Variants in ZNF613 observed in about 807,000 individuals in gnomAD.
ZNF613 encodes the protein zinc finger protein 613.
In ZNF613, 8 loss-of-function variants were observed where a neutral mutation model predicts 14.3. The ratio of observed to expected loss-of-function variants is 0.56; its 90% confidence interval spans 0.33 to 1.01. The LOEUF (loss-of-function observed/expected upper bound fraction) is 1.01. Among genes scored for constraint, ZNF613 ranks in the 50% least tolerant of loss-of-function variants. The pLI is 0.03. For synonymous variants in ZNF613, 228 were observed against 254.5 expected (o/e 0.90, Z 0.99); for missense variants, 656 against 741.9 (o/e 0.88, Z 1.35).
chr19:51,936,849 G>A lies in ZNF613; in HGVS notation c.15+614G>A, dbSNP rs115240457. On this transcript the variant is annotated intron_variant, in intron 3 of 5. Transcript: ENST00000293471. ...GGTAGCTTCAGTATGGAGGCTGGTT[G>A]CCAGAAATAACAAGCCTTGATTAGA... 5.3e-3 allele frequency among the ~76,000 whole-genome samples: 808 copies of A among 152,248 alleles called. 9 individuals are homozygous for A. Among genetic ancestry groups the A allele is most frequent in the African/African-American group, 0.018 (737 of 41,530 alleles).
chr19:51,940,227 G>A lies in ZNF613; in HGVS notation c.34G>A (p.Asp12Asn). 6.2e-7 allele frequency: 1 copy of A among 1,613,678 alleles called. No individual in the cohort carries two copies. Among genetic ancestry groups the A allele is most frequent in the South Asian group, 1.1e-5 (1 of 91,082 alleles). The part of the protein sequence containing the change: ...IKSQESLTLE[D>N]VAVEFTWEEW... ...ATTACAGGAATCACTGACCCTGGAG[G>A]ATGTGGCTGTGGAGTTCACTTGGGA... is the stretch of plus-strand genomic sequence containing the variant. Residue 12 changes from aspartate (D) to asparagine (N), a missense_variant, in exon 4 of 6, where the codon GAT (aspartate) becomes AAT (asparagine). Physicochemically the swap from Asp to Asn is conservative, Grantham distance 23 (BLOSUM62 1). Coordinates refer to ENST00000293471, the MANE Select transcript of ZNF613 (RefSeq NM_001031721.4).
chr19:51,946,025 C>G lies in ZNF613; in HGVS notation c.*288C>G, dbSNP rs193097215. 3.3e-4 allele frequency: 129 copies of G among 387,638 alleles called. 2 individuals carry two copies. The East Asian group carries it at 4.8e-3, about 15-fold the overall frequency. 24.0% of individuals were successfully genotyped at this position (387,638 alleles called of 1,614,324 possible). ...GAAAAGTCCTTGTTCAGAAACAGTA[C>G]GCCAGTAGGTATCAGGGGGTTTACA... On this transcript the variant is annotated 3_prime_UTR_variant, in exon 6 of 6. Transcript: ENST00000293471.
In ZNF613 at chr19:51,936,055, A is replaced by C; in HGVS notation, c.-166A>C. 1 of 586,238 alleles carries C rather than the reference A, an allele frequency of 1.7e-6. No homozygotes were observed. The allele number at this position is 586,238 out of a possible 1,614,324, so 36.3% of individuals were successfully genotyped here. On this transcript the variant is annotated 5_prime_UTR_variant, in exon 3 of 6. Coordinates refer to ENST00000293471, the MANE Select transcript of ZNF613 (RefSeq NM_001031721.4). Reference sequence around the variant, plus strand: ...CACAGGTCCTGACTTCAGGAGCAAGACACTTCAAGTGAGGTGAGGAGGAGG... The same window carrying C: ...CACAGGTCCTGACTTCAGGAGCAAGCCACTTCAAGTGAGGTGAGGAGGAGG...
At chr19:51,938,260 AT>A (rs950209900) in intron 3 of ZNF613, among the ~76,000 whole-genome samples, 2 of 151,150 alleles carry the variant, frequency 1.3e-5, no homozygotes, top group African/African-American at 2.4e-5. Context: ...CTTTTTCTAA[AT>A]TTTTTTTTCA....
At chr19:51,940,166 A>G (rs747169422) in intron 3 of ZNF613, 43 bp from the exon 4 acceptor site, 3 of 1,607,004 alleles carry the variant, frequency 1.9e-6, no homozygotes, top group Non-Finnish European at 2.6e-6. Context: ...TTCCATATAA[A>G]TGAGAGAAAT....
In ZNF613 at chr19:51,940,724, A is replaced by G; in HGVS notation, c.235+15A>G. ...AATCTGTCCAGGTGAGTTCAGGGTG[A>G]GAGCCAGCAAGGAGGGTGGCTGAGC... On this transcript the variant is annotated intron_variant, in intron 5 of 5. Transcript: ENST00000293471. 6.2e-7 allele frequency: 1 copy of G among 1,602,594 alleles called. No homozygotes were observed.
Position 51,945,730 on chromosome 19 carries a change from C to T in ZNF613, c.1847C>T (p.Thr616Ile), listed in dbSNP as rs370459566. The change falls in exon 6 of 6, where the codon ACA becomes ATA. Residue 616 changes from threonine (T) to isoleucine (I), a missense_variant. Transcript: ENST00000293471. ...SSVSADSRICTE is the reference protein window; with the variant it reads ...SSVSADSRICIE ...GTCTCAGCAGATAGTAGAATTTGCA[C>T]AGAATAAAAACCATATGAATGCAGT... 16 of 1,613,832 alleles carry T rather than the reference C, an allele frequency of 9.9e-6. No homozygotes were observed. The African/African-American group carries it at 1.1e-4, about 11-fold the overall frequency.
At position 51,945,716 on chromosome 19, in the gene ZNF613, T is replaced by C. The variant is rs141975634; in HGVS notation, c.1833T>C (p.Asp611=). The change falls in exon 6 of 6, where the codon GAT becomes GAC. Residue 611 remains aspartate, a synonymous_variant. Transcript: ENST00000293471. The part of the protein sequence containing the change: ...QPVARSSVSA[D]SRICTE ...TTGCCAGAAGTTCAGTCTCAGCAGA[T>C]AGTAGAATTTGCACAGAATAAAAAC... The C allele has an allele frequency of 5.8e-4, 939 of 1,614,014 alleles. 3 individuals are homozygous for C. Among genetic ancestry groups the C allele is most frequent in the Non-Finnish European group, 5.5e-4 (647 of 1,180,014 alleles).
chr19:51,940,266 C>T lies in ZNF613; in HGVS notation c.73C>T (p.Leu25Phe), dbSNP rs2085336896. The T allele has an allele frequency of 6.2e-7, 1 of 1,613,662 alleles. No individual in the cohort carries two copies. The highest frequency in any genetic ancestry group is 1.3e-5 in the African/African-American group (1 of 74,864). Reference protein sequence around the residue: ...VEFTWEEWQLLGPAQKDLYRD... With the variant: ...VEFTWEEWQLFGPAQKDLYRD... ...GTTCACTTGGGAGGAGTGGCAGCTC[C>T]TCGGCCCTGCTCAGAAGGACCTGTA... The change falls in exon 4 of 6, where the codon CTC becomes TTC. Residue 25 changes from leucine to phenylalanine, a missense_variant. Leu to Phe is a conservative substitution (Grantham distance 22). Coordinates refer to ENST00000293471, the MANE Select transcript of ZNF613 (RefSeq NM_001031721.4).
intron 4 of ZNF613, 82 bp downstream of exon 4, chr19:51,940,417 C>T (rs2085339038): frequency 1.2e-6 from 2 of 1,605,964 alleles, no homozygotes; most frequent in African/African-American, 2.7e-5. Flanking sequence ...CTCTGGAGGG[C>T]CTGTGGTGCT....
chr19:51,943,777 T>TA (rs2085369222), intron 5 of ZNF613, among the ~76,000 whole-genome samples: 4 of 149,428 alleles, frequency 2.7e-5, no homozygotes, highest in Non-Finnish European at 2.9e-5. Flanking sequence ...TACTGTATAT[T>TA]TATAAAAGAC....
At chr19:51,940,533 T>A (rs2085340045) in intron 4 of ZNF613, 84 bp from the exon 5 acceptor site, 1 of 1,499,554 alleles carries the variant, frequency 6.7e-7, no homozygotes. Flanking sequence ...AATTACATAG[T>A]TCCTAAAACA....
At chr19:51,941,491 A>G (rs894685705) in intron 5 of ZNF613, among the ~76,000 whole-genome samples, 4 of 151,636 alleles carry the variant, frequency 2.6e-5, no homozygotes, top group African/African-American at 9.7e-5. Flanking sequence ...TTCCCACCCT[A>G]TCTTGGACTC....
In ZNF613 at chr19:51,946,303, A is replaced by G. The variant is rs185563892; in HGVS notation, c.*566A>G. On this transcript the variant is annotated 3_prime_UTR_variant, in exon 6 of 6. Transcript: ENST00000293471. ...TATACAGGATGTGTATTTTAGGACA[A>G]TATACCTTGAATCACTAGTTGATAT... 1 of 154,322 alleles carries G rather than the reference A, an allele frequency of 6.5e-6. No individual in the cohort carries two copies. The highest frequency in any genetic ancestry group is 2.4e-5 in the African/African-American group (1 of 41,578). 9.6% of individuals were successfully genotyped at this position (154,322 alleles called of 1,614,324 possible).
intron 2 of ZNF613, among the ~76,000 whole-genome samples, chr19:51,934,145 A>G (rs1003036996): frequency 2.0e-5 from 3 of 151,434 alleles, no homozygotes; most frequent in East Asian, 3.9e-4. Flanking sequence ...GTTGTTGTAA[A>G]CCTTTGACTA....
chr19:51,931,964 G>C (rs1411840007), intron 2 of ZNF613, among the ~76,000 whole-genome samples: 4 of 152,168 alleles, frequency 2.6e-5, no homozygotes, highest in Non-Finnish European at 4.4e-5. Flanking sequence ...TGCCTCTAGT[G>C]GATAAGGGCT....
intron 1 of ZNF613, among the ~76,000 whole-genome samples, chr19:51,929,098 T>A (rs2085243392): frequency 6.6e-6 from 1 of 152,210 alleles, no homozygotes. Context: ...ATTTCAGTTT[T>A]CTATGCTTGA....
chr19:51,940,589 T>G, intron 4 of ZNF613, 28 bp from the exon 5 acceptor site: 1 of 1,597,908 alleles, frequency 6.3e-7, no homozygotes, highest in Non-Finnish European at 8.5e-7. Flanking sequence ...TCAATGAGCC[T>G]AAGTTGTGTA....
At chr19:51,935,158 G>A (rs2085296435) in intron 2 of ZNF613, among the ~76,000 whole-genome samples, 1 of 152,042 alleles carries the variant, frequency 6.6e-6, no homozygotes, top group Admixed American at 6.6e-5. Context: ...TTAGAATTGG[G>A]CATAAAAAAA....
Sources: gnomAD v4.1 joint callset for allele counts (sites outside exome capture counted in the v4.1 genomes callset) on GRCh38, gnomAD v4.1.1 for gene constraint, MANE v1.5 for transcripts, NCBI Gene and HGNC (gene_info 2026-07-23, HGNC 2026-07-21) for gene names.